The following GABRA3 variants were observed in gnomAD, a reference collection of about 807,000 sequenced individuals.
The protein encoded by GABRA3 is gamma-aminobutyric acid type A receptor subunit alpha3.
A neutral mutation model predicts 30.1 loss-of-function variants in GABRA3; 10 were observed. The observed-to-expected ratio is 0.33, with a 90% CI of 0.20 to 0.56. The LOEUF is 0.56. Ranked by LOEUF, GABRA3 falls within the 20% of genes least tolerant of loss-of-function variation. The pLI is 0.89. For missense variants in GABRA3, 233 were observed against 392.0 expected (o/e 0.59, Z 3.42); for synonymous variants, 151 against 146.8 (o/e 1.03, Z -0.21).
chrX:152,301,596 C>T (rs931303176), intron 3 of GABRA3, among the ~76,000 whole-genome samples: 3 of 110,794 alleles, frequency 2.7e-5, no homozygotes, highest in East Asian at 2.8e-4. Flanking sequence ...TTTAATGGTG[C>T]GATCTCGGCT....
intron 4 of GABRA3, among the ~76,000 whole-genome samples, chrX:152,263,358 A>G (rs1938765506): frequency 9.0e-6 from 1 of 110,840 alleles, no homozygotes; most frequent in Non-Finnish European, 1.9e-5. Flanking sequence ...TCAGAATTCT[A>G]TCAGATAAAA....
chrX:152,191,587 G>A (rs1937325932), intron 8 of GABRA3, among the ~76,000 whole-genome samples: 1 of 108,193 alleles, frequency 9.2e-6, no homozygotes, highest in South Asian at 4.1e-4. Context: ...AATTTCTAAT[G>A]AGGTGAAAGA....
intron 1 of GABRA3, among the ~76,000 whole-genome samples, chrX:152,373,345 T>C (rs996967122): frequency 9.0e-6 from 1 of 111,407 alleles, no homozygotes; most frequent in Non-Finnish European, 1.9e-5. Context: ...GCAATGAACA[T>C]ACACGTGTAT....
intron 2 of GABRA3, among the ~76,000 whole-genome samples, chrX:152,360,756 TAAAAAAAAAAAATG>T (rs1928475782): frequency 2.0e-5 from 1 of 50,448 alleles, no homozygotes. Context: ...AAAAATAAAT[TAAAAAAAAAAAATG>T]TTTCTAATTC....
chrX:152,247,771 C>T (rs1357883159), intron 5 of GABRA3, among the ~76,000 whole-genome samples: 5 of 111,559 alleles, frequency 4.5e-5, no homozygotes, highest in African/African-American at 9.8e-5. Context: ...CTATATTATG[C>T]TTCTGTAGTA....
chrX:152,440,659 T>C (rs1346127640), intron 1 of GABRA3, among the ~76,000 whole-genome samples: 2 of 112,268 alleles, frequency 1.8e-5, no homozygotes, highest in East Asian at 5.6e-4. Flanking sequence ...GTGGCATATA[T>C]TCACCACAGA....
intron 5 of GABRA3, among the ~76,000 whole-genome samples, chrX:152,236,849 T>G (rs1490697492): frequency 9.8e-6 from 1 of 102,487 alleles, no homozygotes; most frequent in African/African-American, 3.6e-5. Flanking sequence ...GTTGTTTGTT[T>G]TTTTCTTGTA....
intron 5 of GABRA3, among the ~76,000 whole-genome samples, chrX:152,245,975 G>A (rs906178585): frequency 8.9e-6 from 1 of 111,862 alleles, no homozygotes; most frequent in Non-Finnish European, 1.9e-5. Context: ...ATGGTTGACA[G>A]CTGTTTCCTG....
intron 1 of GABRA3, among the ~76,000 whole-genome samples, chrX:152,375,404 T>C: frequency 8.9e-6 from 1 of 112,386 alleles, no homozygotes; most frequent in Middle Eastern, 4.6e-3. Flanking sequence ...ATATCACAAA[T>C]ATTAAACTAT....
intron 1 of GABRA3, among the ~76,000 whole-genome samples, chrX:152,442,843 C>T (rs1387328724): frequency 2.7e-5 from 3 of 111,513 alleles, no homozygotes; most frequent in South Asian, 3.7e-4. Flanking sequence ...TAGAAAATTA[C>T]CTCACACTAC....
At chrX:152,272,304 C>T (rs1938957554) in intron 4 of GABRA3, among the ~76,000 whole-genome samples, 2 of 112,372 alleles carry the variant, frequency 1.8e-5, no homozygotes, top group Non-Finnish European at 3.8e-5. Context: ...ATCGGCATGA[C>T]CTAGATGTGA....
chrX:152,170,796 C>T (rs776284807), intron 9 of GABRA3, among the ~76,000 whole-genome samples: 3 of 111,939 alleles, frequency 2.7e-5, no homozygotes, highest in African/African-American at 6.5e-5. Flanking sequence ...CAGTCATGGA[C>T]GGGAAGTGCG....
chrX:152,302,305 T>C (rs1939645499), intron 3 of GABRA3, among the ~76,000 whole-genome samples: 2 of 111,203 alleles, frequency 1.8e-5, no homozygotes, highest in African/African-American at 6.5e-5. Context: ...AAGCATACTT[T>C]AAATATAAGG....
intron 6 of GABRA3, among the ~76,000 whole-genome samples, chrX:152,216,443 A>C (rs952769983): frequency 4.1e-5 from 4 of 96,958 alleles, no homozygotes; most frequent in South Asian, 4.9e-4. Flanking sequence ...CACACACACA[A>C]TGGAATGCTA....
chrX:152,440,387 T>C (rs766011843), intron 1 of GABRA3, among the ~76,000 whole-genome samples: 6 of 112,278 alleles, frequency 5.3e-5, no homozygotes, highest in Non-Finnish European at 9.4e-5. Flanking sequence ...CTAGAGAGGA[T>C]GTGGAGAAAT....
intron 3 of GABRA3, among the ~76,000 whole-genome samples, chrX:152,322,295 T>C (rs1261737800): frequency 9.0e-6 from 1 of 111,498 alleles, no homozygotes; most frequent in Non-Finnish European, 1.9e-5. Flanking sequence ...GGTGAGGACA[T>C]AGAGAATGCA....
At chrX:152,314,682 T>C (rs1322718948) in intron 3 of GABRA3, among the ~76,000 whole-genome samples, 1 of 112,380 alleles carries the variant, frequency 8.9e-6, no homozygotes, top group Non-Finnish European at 1.9e-5. Context: ...TGGTGAACTC[T>C]CACTCACTCT....
chrX:152,315,985 C>G (rs1167070235), intron 3 of GABRA3, among the ~76,000 whole-genome samples: 1 of 84,117 alleles, frequency 1.2e-5, no homozygotes, highest in Non-Finnish European at 2.4e-5. Flanking sequence ...CCCCCCCCCC[C>G]ACCACATGAT....
In GABRA3 at chrX:152,345,670, T is replaced by G. The variant is rs199934949; in HGVS notation, c.173A>C (p.Asp58Ala). Residue 58 changes from aspartate (D) to alanine (A), a missense_variant, in exon 3 of 10, where the codon GAT (aspartate) becomes GCT (alanine). Around this residue, in one of 6 missense-constraint regions of GABRA3, gnomAD observed 69 missense variants for 79.4 expected, o/e 0.87. Transcript: ENST00000370314. ...GATAGTGATGTTGTCAGTGCTGTCATCAGGAATATCTGGGGCATGCTTAGG... is the reference window on the plus strand; with the variant it reads ...GATAGTGATGTTGTCAGTGCTGTCAGCAGGAATATCTGGGGCATGCTTAGG... ...LSPKHAPDIP[D>A]DSTDNITIFT... The G allele has an allele frequency of 7.9e-5, 95 of 1,201,237 alleles. No homozygotes were observed. Among genetic ancestry groups the G allele is most frequent in the Non-Finnish European group, 1.0e-4 (92 of 891,430 alleles).
Sources: allele counts gnomAD v4.1 joint callset (sites outside exome capture counted in the v4.1 genomes callset), GRCh38; gene constraint gnomAD v4.1.1; regional missense constraint gnomAD v4.1.1; transcripts MANE v1.5; gene names NCBI Gene and HGNC (gene_info 2026-07-23, HGNC 2026-07-21).